Variants in RIC1 observed in about 807,000 individuals in gnomAD.
RIC1 encodes RIC1 partner of RAB6A GEF complex.
Under a neutral mutation model 169.0 loss-of-function variants are expected in RIC1, and 88 were observed. That is an observed-to-expected ratio of 0.52 (90% CI 0.44 to 0.62). RIC1 has a LOEUF of 0.62. Ranked by LOEUF, RIC1 falls within the 20% of genes least tolerant of loss-of-function variation. RIC1 has a pLI of 0.00. For missense variants in RIC1, 1,877 were observed against 1,725.5 expected, an observed-to-expected ratio of 1.09 and a Z score of -1.56; for synonymous variants, 790 against 601.5, an observed-to-expected ratio of 1.31 and a Z score of -4.59.
intron 1 of RIC1, among the ~76,000 whole-genome samples, chr9:5,638,304 T>G (rs951386510): frequency 3.3e-5 from 5 of 152,252 alleles, no homozygotes; most frequent in African/African-American, 1.2e-4. Flanking sequence ...GACCTGTAGT[T>G]TTCTTTATTG....
chr9:5,650,859 C>G (rs1410040600), intron 1 of RIC1, among the ~76,000 whole-genome samples: 1 of 152,178 alleles, frequency 6.6e-6, no homozygotes, highest in Non-Finnish European at 1.5e-5. Flanking sequence ...CTCTGCCACT[C>G]TGCTGGGTCC....
chr9:5,765,587 T>G lies in RIC1; in HGVS notation c.3000+15T>G, dbSNP rs1563720081. The G allele has an allele frequency of 6.2e-7, 1 of 1,614,020 alleles. No homozygotes were observed. Among genetic ancestry groups the G allele is most frequent in the Non-Finnish European group, 8.5e-7 (1 of 1,179,924 alleles). ...CCACAGCTCAGGTTAGTTGCAAAAGTTACACATCTTCTCTAGGCCATACAC... is the reference window on the plus strand; with the variant it reads ...CCACAGCTCAGGTTAGTTGCAAAAGGTACACATCTTCTCTAGGCCATACAC... On this transcript the variant is annotated intron_variant, in intron 20 of 25. Coordinates refer to ENST00000414202, the MANE Select transcript of RIC1 (RefSeq NM_020829.4).
intron 5 of RIC1, 77 bp downstream of exon 5, chr9:5,720,401 C>G: frequency 1.4e-6 from 2 of 1,414,880 alleles, no homozygotes; most frequent in Non-Finnish European, 1.9e-6. Flanking sequence ...TATGGATGAA[C>G]ACTTCTTTGG....
chr9:5,651,213 T>G (rs1163654628), intron 1 of RIC1, among the ~76,000 whole-genome samples: 1 of 152,178 alleles, frequency 6.6e-6, no homozygotes, highest in African/African-American at 2.4e-5. Context: ...GGAGATCTGC[T>G]CTGTGCTCCA....
At chr9:5,729,559 T>A (rs1358027080) in intron 6 of RIC1, among the ~76,000 whole-genome samples, 1 of 152,220 alleles carries the variant, frequency 6.6e-6, no homozygotes, top group African/African-American at 2.4e-5. Context: ...TGCTGCTTTA[T>A]GTTTTTTTAA....
chr9:5,736,038 C>T (rs1049649990), intron 7 of RIC1, among the ~76,000 whole-genome samples: 3 of 152,170 alleles, frequency 2.0e-5, no homozygotes, highest in Non-Finnish European at 4.4e-5. Flanking sequence ...TTAAAGAATA[C>T]AAGCACTATA....
At chr9:5,724,908 A>C (rs887597291) in intron 6 of RIC1, among the ~76,000 whole-genome samples, 5 of 152,132 alleles carry the variant, frequency 3.3e-5, no homozygotes, top group African/African-American at 1.2e-4. Context: ...GGATGAAGCC[A>C]ACTTGATAGT....
At chr9:5,772,156 C>G (rs1827266888) in intron 23 of RIC1, among the ~76,000 whole-genome samples, 1 of 152,156 alleles carries the variant, frequency 6.6e-6, no homozygotes, top group Non-Finnish European at 1.5e-5. Context: ...CTCCTTTTCC[C>G]TTCCTTGCAG....
At chr9:5,767,817 C>T (rs887434990) in intron 21 of RIC1, among the ~76,000 whole-genome samples, 2 of 152,072 alleles carry the variant, frequency 1.3e-5, no homozygotes, top group South Asian at 2.1e-4. Context: ...AAACTCCCGA[C>T]CTCAGGTGAT....
chr9:5,674,517 C>T (rs558740085), intron 2 of RIC1, among the ~76,000 whole-genome samples: 1 of 152,122 alleles, frequency 6.6e-6, no homozygotes, highest in Admixed American at 6.5e-5. Flanking sequence ...CCCCAATTCA[C>T]CACTCCAAAA....
chr9:5,773,224 A>T (rs998660032), intron 25 of RIC1, 144 bp downstream of exon 25: 1 of 289,098 alleles, frequency 3.5e-6, no homozygotes, highest in African/African-American at 2.2e-5. Context: ...TTTTTAAGCT[A>T]CTTTCTTTAG....
chr9:5,764,549 G>C (rs1373163766), intron 19 of RIC1, among the ~76,000 whole-genome samples: 1 of 152,180 alleles, frequency 6.6e-6, no homozygotes, highest in African/African-American at 2.4e-5. Context: ...TGTTTCCATT[G>C]ATGTAAGAAG....
chr9:5,679,116 T>G (rs36166893), intron 2 of RIC1, among the ~76,000 whole-genome samples: 5,892 of 152,118 alleles, frequency 0.039, 136 homozygotes, highest in African/African-American at 0.065. Context: ...TTTCCCCATT[T>G]CTTGTTTTTG....
In RIC1 at chr9:5,720,315, T is replaced by G. The variant is rs1187261200; in HGVS notation, c.574T>G (p.Ser192Ala). 1.2e-6 allele frequency: 2 copies of G among 1,612,242 alleles called. No homozygotes were observed. The highest frequency in any genetic ancestry group is 2.7e-5 in the African/African-American group (2 of 74,842). ...AGTACCCTTTTCAGTAGACCTGCAG[T>G]CATCTAGAGGTAGCTATACTTTCTA... ...CTVPFSVDLQSSRVGSFLGFT... is the reference protein window; with the variant it reads ...CTVPFSVDLQASRVGSFLGFT... The change falls in exon 5 of 26, where the codon TCA becomes GCA. Residue 192 changes from serine to alanine, a missense_variant. Physicochemically the swap from Ser to Ala is moderately conservative, Grantham distance 99. This residue lies in a region of RIC1 where 1,104 missense variants were observed against 992.0 expected (regional missense o/e 1.11). Coordinates refer to ENST00000414202, the MANE Select transcript of RIC1 (RefSeq NM_020829.4).
Position 5,774,082 on chromosome 9 carries a change from A to T in RIC1, c.4108A>T (p.Thr1370Ser), listed in dbSNP as rs1283415711. ...AACTATGGGTAAGACTCCAGAACAG[A>T]CTAGCCCCCGGGCAGAGGAGAGCAG... Reference protein sequence around the residue: ...PITMGKTPEQTSPRAEESRGS... With the variant: ...PITMGKTPEQSSPRAEESRGS... Residue 1370 changes from threonine to serine, a missense_variant, in exon 26 of 26, where the codon ACT (threonine) becomes TCT (serine). Coordinates refer to ENST00000414202, the MANE Select transcript of RIC1 (RefSeq NM_020829.4). 5 of 1,614,004 alleles carry T rather than the reference A, an allele frequency of 3.1e-6. No homozygotes were observed. In the African/African-American group the frequency reaches 6.7e-5, roughly 22 times the overall value.
intron 10 of RIC1, 58 bp downstream of exon 10, chr9:5,743,795 C>A: frequency 2.5e-6 from 3 of 1,216,202 alleles, no homozygotes; most frequent in South Asian, 1.3e-5. Context: ...TTTTTCTTCC[C>A]TTTTTTCACT....
At chr9:5,654,939 C>A (rs768780530) in intron 1 of RIC1, among the ~76,000 whole-genome samples, 1 of 152,192 alleles carries the variant, frequency 6.6e-6, no homozygotes, top group African/African-American at 2.4e-5. Context: ...ATCTTGGATC[C>A]TGTAACCTTG....
intron 1 of RIC1, among the ~76,000 whole-genome samples, chr9:5,651,245 C>A (rs901366913): frequency 1.3e-5 from 2 of 152,190 alleles, no homozygotes; most frequent in African/African-American, 4.8e-5. Context: ...GCCAAGCAAA[C>A]AACCTTGCTT....
chr9:5,688,115 A>C (rs1391907577), intron 2 of RIC1, among the ~76,000 whole-genome samples: 1 of 152,246 alleles, frequency 6.6e-6, no homozygotes, highest in East Asian at 1.9e-4. Context: ...TTGGAACATT[A>C]TGAAATATAG....
Sources: allele counts gnomAD v4.1 joint callset (sites outside exome capture counted in the v4.1 genomes callset), GRCh38; gene constraint gnomAD v4.1.1; regional missense constraint gnomAD v4.1.1; transcripts MANE v1.5; gene names NCBI Gene and HGNC (gene_info 2026-07-23, HGNC 2026-07-21).